The following NKAIN2 variants were observed in gnomAD, a reference collection of about 807,000 sequenced individuals.
NKAIN2 encodes the protein sodium/potassium transporting ATPase interacting 2.
Under a neutral mutation model 32.6 loss-of-function variants are expected in NKAIN2, and 14 were observed. That is an observed-to-expected ratio of 0.43 (90% CI 0.28 to 0.67). The LOEUF (loss-of-function observed/expected upper bound fraction) is 0.67. NKAIN2 is among the 30% of genes least tolerant of loss of function. The pLI, the probability that NKAIN2 is intolerant of heterozygous loss-of-function variation, is 0.17. For missense variants in NKAIN2, 198 were observed against 258.3 expected, an observed-to-expected ratio of 0.77 and a Z score of 1.60; for synonymous variants, 80 against 87.2, an observed-to-expected ratio of 0.92 and a Z score of 0.46.
intron 1 of NKAIN2, among the ~76,000 whole-genome samples, chr6:124,110,757 T>C (rs997439107): frequency 3.3e-5 from 5 of 152,116 alleles, no homozygotes. Context: ...TAATATTCCA[T>C]GGTGTTTATG....
At chr6:123,908,098 G>A (rs903401931) in intron 1 of NKAIN2, among the ~76,000 whole-genome samples, 13 of 152,136 alleles carry the variant, frequency 8.5e-5, no homozygotes, top group Admixed American at 7.9e-4. Flanking sequence ...TCAGGAGAAA[G>A]AGTTCGATTA....
At chr6:124,304,645 G>T (rs1355996508) in intron 2 of NKAIN2, among the ~76,000 whole-genome samples, 1 of 152,196 alleles carries the variant, frequency 6.6e-6, no homozygotes, top group Non-Finnish European at 1.5e-5. Context: ...GCCAGGCGTG[G>T]TGGCTCATGC....
chr6:124,781,156 T>C (rs190909908), intron 4 of NKAIN2, among the ~76,000 whole-genome samples: 229 of 152,280 alleles, frequency 1.5e-3, no homozygotes, highest in African/African-American at 5.2e-3. Context: ...CTTGAGAGTA[T>C]TGTCAGTTTT....
intron 1 of NKAIN2, among the ~76,000 whole-genome samples, chr6:123,937,642 C>G (rs1776581754): frequency 6.6e-6 from 1 of 152,032 alleles, no homozygotes; most frequent in Non-Finnish European, 1.5e-5. Flanking sequence ...TAGTAAATAT[C>G]TGCATTTCTC....
intron 1 of NKAIN2, among the ~76,000 whole-genome samples, chr6:123,834,543 C>T (rs1206052022): frequency 6.6e-6 from 1 of 152,122 alleles, no homozygotes; most frequent in Admixed American, 6.5e-5. Flanking sequence ...TCTTCCTTCC[C>T]AATCTGTGTA....
At chr6:124,360,858 A>C (rs563867581) in intron 3 of NKAIN2, among the ~76,000 whole-genome samples, 3 of 152,198 alleles carry the variant, frequency 2.0e-5, no homozygotes, top group Non-Finnish European at 4.4e-5. Context: ...ACTGAGAAAA[A>C]ATTAGTCTGT....
At chr6:124,199,945 A>G (rs1484179583) in intron 1 of NKAIN2, among the ~76,000 whole-genome samples, 1 of 152,194 alleles carries the variant, frequency 6.6e-6, no homozygotes, top group Non-Finnish European at 1.5e-5. Flanking sequence ...TTTCAGAAGC[A>G]TATAAATGTT....
At chr6:123,933,364 A>C (rs1582802905) in intron 1 of NKAIN2, among the ~76,000 whole-genome samples, 1 of 152,224 alleles carries the variant, frequency 6.6e-6, no homozygotes, top group Non-Finnish European at 1.5e-5. Context: ...TTATTTGCAT[A>C]AACAGTAATG....
At chr6:124,813,037 C>T (rs1468733980) in intron 5 of NKAIN2, among the ~76,000 whole-genome samples, 1 of 151,860 alleles carries the variant, frequency 6.6e-6, no homozygotes, top group African/African-American at 2.4e-5. Context: ...AAAAAAACAT[C>T]GTTGTTATCA....
intron 4 of NKAIN2, among the ~76,000 whole-genome samples, chr6:124,710,976 T>G (rs1391971883): frequency 6.7e-6 from 1 of 150,182 alleles, no homozygotes; most frequent in African/African-American, 2.5e-5. Context: ...TACGGGTTGT[T>G]CCTTTCCATG....
intron 3 of NKAIN2, among the ~76,000 whole-genome samples, chr6:124,514,753 A>G (rs1323046882): frequency 6.7e-6 from 1 of 149,662 alleles, no homozygotes; most frequent in African/African-American, 2.5e-5. Flanking sequence ...TGTTGGAATC[A>G]ACTTGGGTAT....
In NKAIN2 at chr6:124,141,589, A is replaced by AT. The variant is rs201284826; in HGVS notation, c.55-141407dup. ...CAGTTCATATTCTATTTTCTTGCTC[A>AT]TTTTTTTTTCTCCCTCTCCTATGAA... On this transcript the variant is annotated intron_variant, in intron 1 of 6. Coordinates refer to ENST00000368417, the MANE Select transcript of NKAIN2 (RefSeq NM_001040214.3). Among the ~76,000 whole-genome samples the AT allele has an allele frequency of 6.9e-3, 1,027 of 149,852 alleles. 3 individuals carry two copies. The highest frequency in any genetic ancestry group is 0.023 in the African/African-American group (932 of 40,840).
At chr6:123,830,616 G>T (rs534831245) in intron 1 of NKAIN2, among the ~76,000 whole-genome samples, 1 of 152,218 alleles carries the variant, frequency 6.6e-6, no homozygotes, top group African/African-American at 2.4e-5. Context: ...GACCCCCCTA[G>T]TCAGGTCAAC....
intron 3 of NKAIN2, among the ~76,000 whole-genome samples, chr6:124,615,094 T>C (rs1295676012): frequency 6.6e-6 from 1 of 152,206 alleles, no homozygotes; most frequent in East Asian, 1.9e-4. Context: ...CTAATTTCTA[T>C]ACTTGTTTCT....
intron 3 of NKAIN2, among the ~76,000 whole-genome samples, chr6:124,589,482 A>G (rs1677927): frequency 0.95 from 143,943 of 152,214 alleles, 68,143 homozygotes; most frequent in South Asian, 0.97. Context: ...ATGTTACCTC[A>G]ATTGTAAGAC....
chr6:123,881,885 A>G (rs1236320160), intron 1 of NKAIN2, among the ~76,000 whole-genome samples: 1 of 152,182 alleles, frequency 6.6e-6, no homozygotes, highest in Non-Finnish European at 1.5e-5. Context: ...CATATTCTGT[A>G]GATCTTTAAC....
intron 3 of NKAIN2, among the ~76,000 whole-genome samples, chr6:124,473,786 A>C (rs1777072375): frequency 6.6e-6 from 1 of 152,140 alleles, no homozygotes; most frequent in Admixed American, 6.6e-5. Context: ...ACATACAATA[A>C]TTCATCTGGA....
chr6:124,699,414 C>T (rs1049108266), intron 4 of NKAIN2, among the ~76,000 whole-genome samples: 2 of 152,132 alleles, frequency 1.3e-5, no homozygotes, highest in South Asian at 2.1e-4. Flanking sequence ...CTTTATGAAC[C>T]AGCCTTGTTA....
At chr6:124,349,296 C>T (rs1041507441) in intron 2 of NKAIN2, among the ~76,000 whole-genome samples, 1 of 152,060 alleles carries the variant, frequency 6.6e-6, no homozygotes, top group African/African-American at 2.4e-5. Flanking sequence ...GCCTGCTCCC[C>T]CCTACAAAGG....
Sources: allele counts gnomAD v4.1 joint callset (sites outside exome capture counted in the v4.1 genomes callset), GRCh38; gene constraint gnomAD v4.1.1; transcripts MANE v1.5; gene names NCBI Gene and HGNC (gene_info 2026-07-23, HGNC 2026-07-21).